The following MME variants were observed in gnomAD, a reference collection of about 807,000 sequenced individuals.
The protein encoded by MME is neprilysin.
Under a neutral mutation model 113.2 loss-of-function variants are expected in MME, and 98 were observed. That is an observed-to-expected ratio of 0.87 (90% CI 0.74 to 1.02). The LOEUF (loss-of-function observed/expected upper bound fraction) is 1.02. Ranked by LOEUF, MME falls within the 50% of genes least tolerant of loss-of-function variation. The pLI, the probability that MME is intolerant of heterozygous loss-of-function variation, is 0.00. For synonymous variants in MME, 292 were observed against 300.6 expected, an observed-to-expected ratio of 0.97 and a Z score of 0.30; for missense variants, 836 against 896.0, an observed-to-expected ratio of 0.93 and a Z score of 0.86.
rs73012339 is a variant in MME at position 155,162,211 on chromosome 3, C to G, written c.1660+1763C>G. Among the ~76,000 whole-genome samples the G allele has an allele frequency of 1.5e-3, 233 of 152,284 alleles. 1 individual carries two copies. Among genetic ancestry groups the G allele is most frequent in the African/African-American group, 5.1e-3 (211 of 41,568 alleles). ...CTCTGGCATGTTCAGTCCTTCAGCCCTTCTCTAGAGTAGGCTCAGGCATTT... is the reference window on the plus strand; with the variant it reads ...CTCTGGCATGTTCAGTCCTTCAGCCGTTCTCTAGAGTAGGCTCAGGCATTT... On this transcript the variant is annotated intron_variant, in intron 17 of 22. Transcript: ENST00000360490.
chr3:155,109,983 T>C (rs1471125004), intron 3 of MME, among the ~76,000 whole-genome samples: 1 of 152,192 alleles, frequency 6.6e-6, no homozygotes, highest in African/African-American at 2.4e-5. Context: ...GTTACTCCAC[T>C]ATAAAAAATT....
intron 17 of MME, among the ~76,000 whole-genome samples, chr3:155,162,009 G>A (rs1025823173): frequency 1.3e-5 from 2 of 152,064 alleles, no homozygotes; most frequent in Admixed American, 6.6e-5. Context: ...TAGTTCATTT[G>A]GTACTGAGAC....
rs144607771 is a variant in MME at position 155,115,238 on chromosome 3, AGGAATGT to A, written c.358+84_358+90del. On this transcript the variant is annotated intron_variant, in intron 4 of 22. Transcript: ENST00000360490. ...AAATATACAATTGTTAGCCATTACA[AGGAATGT>A]CACAGAAGATTAAAAAGTTAATAAT... 5,845 of 1,521,236 alleles carry A rather than the reference AGGAATGT, an allele frequency of 3.8e-3. 149 individuals are homozygous for A. In the African/African-American group the frequency reaches 0.063, roughly 16 times the overall value. The allele number at this position is 1,521,236 out of a possible 1,614,324, so 94.2% of individuals were successfully genotyped here.
chr3:155,072,805 G>T (rs1714625215), intron 1 of MME, among the ~76,000 whole-genome samples: 1 of 152,152 alleles, frequency 6.6e-6, no homozygotes, highest in Admixed American at 6.5e-5. Flanking sequence ...TGTAAGTCAT[G>T]TGTTTCTTTA....
chr3:155,127,231 AG>A (rs1317149313), intron 8 of MME, among the ~76,000 whole-genome samples: 2 of 152,190 alleles, frequency 1.3e-5, no homozygotes, highest in African/African-American at 4.8e-5. Context: ...GTCTGGAAGT[AG>A]GCAGGCCATC....
intron 3 of MME, among the ~76,000 whole-genome samples, chr3:155,097,159 A>C: frequency 6.6e-6 from 1 of 152,124 alleles, no homozygotes; most frequent in Non-Finnish European, 1.5e-5. Context: ...TCACTGTGAG[A>C]TAGTTTAAAT....
intron 3 of MME, among the ~76,000 whole-genome samples, chr3:155,098,632 G>GAAAC (rs141688081): frequency 4.0e-5 from 6 of 151,736 alleles, no homozygotes; most frequent in Non-Finnish European, 7.4e-5. Flanking sequence ...ATAAAGAAAT[G>GAAAC]AAACAAACAA....
chr3:155,174,329 T>A (rs1712291836), intron 22 of MME, among the ~76,000 whole-genome samples: 1 of 42,974 alleles, frequency 2.3e-5, no homozygotes, highest in Admixed American at 1.7e-4. Context: ...CAGAAGCGTG[T>A]GTGTGTGTGT....
rs745589275 is a variant in MME at position 155,140,279 on chromosome 3, A to G, written c.944A>G (p.Glu315Gly). The G allele has an allele frequency of 2.5e-6, 4 of 1,608,144 alleles. No homozygotes were observed. The East Asian group carries it at 8.9e-5, about 36-fold the overall frequency. ...CAGATCCAAAATAACTTTTCACTAG[A>G]GATCAATGGGAAGGTAAGTGGTAAG... Reference protein sequence around the residue: ...LAQIQNNFSLEINGKPFSWLN... With the variant: ...LAQIQNNFSLGINGKPFSWLN... Residue 315 changes from glutamate (E) to glycine (G), a missense_variant, in exon 10 of 23, where the codon GAG becomes GGG. Coordinates refer to ENST00000360490, the MANE Select transcript of MME (RefSeq NM_007289.4).
At chr3:155,082,553 A>T (rs1370612313) in intron 1 of MME, among the ~76,000 whole-genome samples, 1 of 152,234 alleles carries the variant, frequency 6.6e-6, no homozygotes, top group Non-Finnish European at 1.5e-5. Context: ...GGGTGGTGAG[A>T]CTAAGCCAGC....
chr3:155,167,773 G>C (rs1711509735), intron 18 of MME, among the ~76,000 whole-genome samples: 1 of 152,100 alleles, frequency 6.6e-6, no homozygotes, highest in Non-Finnish European at 1.5e-5. Context: ...TTACAGGTAG[G>C]TTCTAATACT....
intron 8 of MME, among the ~76,000 whole-genome samples, chr3:155,134,953 TC>T (rs1268975896): frequency 2.0e-5 from 3 of 152,162 alleles, no homozygotes; most frequent in African/African-American, 7.2e-5. Context: ...AAGTGTCTGT[TC>T]CTGTCTTTTC....
At chr3:155,118,854 C>T in intron 8 of MME, 43 bp downstream of exon 8, 1 of 1,223,022 alleles carries the variant, frequency 8.2e-7, no homozygotes, top group South Asian at 1.3e-5. Flanking sequence ...ACAAAATGAT[C>T]TGGTGTAAAC....
chr3:155,027,128 T>C (rs530692293), intron 1 of MME, among the ~76,000 whole-genome samples: 1 of 152,330 alleles, frequency 6.6e-6, no homozygotes, highest in East Asian at 1.9e-4. Flanking sequence ...AAAATCATTT[T>C]TGGTTTGGCA....
chr3:155,033,205 T>C (rs1388496863), intron 1 of MME, among the ~76,000 whole-genome samples: 3 of 152,216 alleles, frequency 2.0e-5, no homozygotes, highest in Non-Finnish European at 4.4e-5. Flanking sequence ...ACATGCTATG[T>C]GACTCAGGCT....
intron 1 of MME, among the ~76,000 whole-genome samples, chr3:155,072,802 C>T (rs898718063): frequency 6.6e-6 from 1 of 152,088 alleles, no homozygotes; most frequent in Non-Finnish European, 1.5e-5. Context: ...GGCTGTAAGT[C>T]ATGTGTTTCT....
chr3:155,109,406 T>C (rs1304339701), intron 3 of MME, among the ~76,000 whole-genome samples: 1 of 151,986 alleles, frequency 6.6e-6, no homozygotes, highest in East Asian at 1.9e-4. Context: ...GTGGAAGCCT[T>C]GGGGTCGTGG....
chr3:155,147,862 C>T (rs1721641673), intron 15 of MME, among the ~76,000 whole-genome samples: 1 of 152,172 alleles, frequency 6.6e-6, no homozygotes, highest in Non-Finnish European at 1.5e-5. Flanking sequence ...TCATTGATTA[C>T]TAGTCTAGCA....
rs546834083 is a variant in MME at position 155,063,751 on chromosome 3, T to G, written c.-10-20407T>G. On this transcript the variant is annotated intron_variant, in intron 1 of 22. Coordinates refer to the MME transcript ENST00000492661. ...TGCTTTCTTCCCCCAAATGAGCCTTTTCCTCCTCTGCACCTTTTCCCAAAA... is the reference window on the plus strand; with the variant it reads ...TGCTTTCTTCCCCCAAATGAGCCTTGTCCTCCTCTGCACCTTTTCCCAAAA... Among the ~76,000 whole-genome samples the G allele has an allele frequency of 1.4e-3, 209 of 144,940 alleles. 4 individuals are homozygous for G. The highest frequency in any genetic ancestry group is 4.5e-3 in the African/African-American group (175 of 38,996).
Sources: allele counts gnomAD v4.1 joint callset (sites outside exome capture counted in the v4.1 genomes callset), GRCh38; gene constraint gnomAD v4.1.1; transcripts MANE v1.5; gene names NCBI Gene and HGNC (gene_info 2026-07-23, HGNC 2026-07-21).